The following GRXCR1 variants were observed in gnomAD, a reference collection of about 807,000 sequenced individuals.
GRXCR1 encodes the protein glutaredoxin and cysteine rich domain containing 1.
Under a neutral mutation model 27.3 loss-of-function variants are expected in GRXCR1, and 27 were observed. That is an observed-to-expected ratio of 0.99 (90% CI 0.73 to 1.37). The LOEUF is 1.37. Among genes scored for constraint, GRXCR1 ranks in the 40% most tolerant of loss-of-function variants. The pLI is 0.00. For synonymous variants in GRXCR1, 122 were observed against 131.1 expected (o/e 0.93, Z 0.47); for missense variants, 379 against 354.4 (o/e 1.07, Z -0.56).
At chr4:42,910,284 G>T (rs562931171) in intron 1 of GRXCR1, among the ~76,000 whole-genome samples, 2 of 152,198 alleles carry the variant, frequency 1.3e-5, no homozygotes, top group African/African-American at 4.8e-5. Flanking sequence ...GGGACACAAA[G>T]CCTAAACATA....
chr4:42,944,055 T>TGGCAATAGGAAGGC (rs1481994845), intron 1 of GRXCR1, among the ~76,000 whole-genome samples: 3 of 152,058 alleles, frequency 2.0e-5, no homozygotes, highest in Non-Finnish European at 4.4e-5. Context: ...GTAACACGTT[T>TGGCAATAGGAAGGC]GGCAATAGGA....
At chr4:42,924,996 C>T (rs1747122530) in intron 1 of GRXCR1, among the ~76,000 whole-genome samples, 1 of 150,916 alleles carries the variant, frequency 6.6e-6, no homozygotes, top group African/African-American at 2.4e-5. Context: ...TTGCTTTCTG[C>T]AATTTGTTTG....
chr4:43,022,544 A>G (rs1423007619), intron 3 of GRXCR1, among the ~76,000 whole-genome samples: 1 of 152,224 alleles, frequency 6.6e-6, no homozygotes, highest in Non-Finnish European at 1.5e-5. Context: ...ATGGTATGGC[A>G]TTGGCTTTCT....
chr4:42,894,894 G>C (rs1206747134), intron 1 of GRXCR1, among the ~76,000 whole-genome samples: 2 of 152,084 alleles, frequency 1.3e-5, no homozygotes, highest in Non-Finnish European at 2.9e-5. Flanking sequence ...TATTGCTAAG[G>C]AGTAGACCAA....
intron 2 of GRXCR1, among the ~76,000 whole-genome samples, chr4:43,000,328 T>C (rs1388205017): frequency 6.6e-6 from 1 of 151,966 alleles, no homozygotes; most frequent in Non-Finnish European, 1.5e-5. Context: ...ATACAAAAAT[T>C]AGCTGGGTGT....
chr4:42,971,357 C>T (rs1748383183), intron 2 of GRXCR1, among the ~76,000 whole-genome samples: 1 of 152,142 alleles, frequency 6.6e-6, no homozygotes, highest in Non-Finnish European at 1.5e-5. Context: ...ACTACCAGTA[C>T]CAATTTCCTG....
At chr4:43,016,495 C>A (rs1712934981) in intron 2 of GRXCR1, among the ~76,000 whole-genome samples, 1 of 152,112 alleles carries the variant, frequency 6.6e-6, no homozygotes, top group African/African-American at 2.4e-5. Context: ...TACTTGTGTT[C>A]TTAGCATCTT....
rs745784596 is a variant in GRXCR1 at position 42,990,173 on chromosome 4, C to CTTTTTTTTTT, written c.627+27066_627+27075dup. Among the ~76,000 whole-genome samples the CTTTTTTTTTT allele has an allele frequency of 7.4e-4, 34 of 46,230 alleles. 13 individuals are homozygous for CTTTTTTTTTT. The highest frequency in any genetic ancestry group is 1.6e-3 in the East Asian group (2 of 1,284). 30.3% of individuals were successfully genotyped at this position (46,230 alleles called of 152,430 possible). Reference sequence around the variant, plus strand: ...AACTTCTTGAATTGAATTATTAGTTCTTTTTTTTTTTTTTTTTTTTTTTTT... The same window carrying CTTTTTTTTTT: ...AACTTCTTGAATTGAATTATTAGTTCTTTTTTTTTTTTTTTTTTTTTTTTTTTTTTTTTTT... On this transcript the variant is annotated intron_variant, in intron 2 of 3. Transcript: ENST00000399770.
intron 2 of GRXCR1, among the ~76,000 whole-genome samples, chr4:42,986,699 A>G (rs187378315): frequency 6.6e-6 from 1 of 152,236 alleles, no homozygotes; most frequent in Non-Finnish European, 1.5e-5. Flanking sequence ...ACTTAGGGGA[A>G]CTCTGAAACA....
chr4:42,904,265 C>G (rs560823272), intron 1 of GRXCR1, among the ~76,000 whole-genome samples: 1 of 152,308 alleles, frequency 6.6e-6, no homozygotes, highest in Non-Finnish European at 1.5e-5. Context: ...GCCCAACTTT[C>G]GCTCCTTCCA....
At chr4:42,952,803 G>A (rs761212965) in intron 1 of GRXCR1, among the ~76,000 whole-genome samples, 1 of 152,018 alleles carries the variant, frequency 6.6e-6, no homozygotes, top group African/African-American at 2.4e-5. Flanking sequence ...GGGAAGCATC[G>A]AGAGAAACCC....
chr4:42,956,819 C>T (rs1179031061), intron 1 of GRXCR1, among the ~76,000 whole-genome samples: 1 of 152,058 alleles, frequency 6.6e-6, no homozygotes, highest in Non-Finnish European at 1.5e-5. Flanking sequence ...ACAACTACCC[C>T]CACTGGTCCT....
intron 1 of GRXCR1, among the ~76,000 whole-genome samples, chr4:42,943,118 TG>T (rs1747661782): frequency 6.6e-6 from 1 of 152,108 alleles, no homozygotes; most frequent in African/African-American, 2.4e-5. Flanking sequence ...CATAGCTATG[TG>T]AACTAGGACA....
intron 1 of GRXCR1, among the ~76,000 whole-genome samples, chr4:42,914,301 T>C (rs1040463556): frequency 6.6e-6 from 1 of 152,098 alleles, no homozygotes; most frequent in African/African-American, 2.4e-5. Context: ...GCCACAGGGG[T>C]GGAGCTGCCC....
chr4:42,913,917 C>T (rs1746826424), intron 1 of GRXCR1, among the ~76,000 whole-genome samples: 1 of 152,196 alleles, frequency 6.6e-6, no homozygotes, highest in African/African-American at 2.4e-5. Context: ...AGGATGAAAG[C>T]CCCAAGCCTT....
intron 2 of GRXCR1, among the ~76,000 whole-genome samples, chr4:43,016,607 C>T (rs1024491973): frequency 4.2e-4 from 63 of 149,708 alleles, no homozygotes; most frequent in African/African-American, 1.5e-3. Context: ...AGTACATTTC[C>T]TCAGTAACGG....
chr4:42,908,519 G>A (rs1577900955), intron 1 of GRXCR1, among the ~76,000 whole-genome samples: 1 of 152,172 alleles, frequency 6.6e-6, no homozygotes, highest in Admixed American at 6.6e-5. Context: ...GCAGAATTGT[G>A]TGCAGTAAGC....
intron 2 of GRXCR1, among the ~76,000 whole-genome samples, chr4:43,019,264 G>A (rs1330095171): frequency 6.6e-6 from 1 of 151,988 alleles, no homozygotes; most frequent in African/African-American, 2.4e-5. Flanking sequence ...TACCCTGTGG[G>A]TTAGTTTTTT....
intron 1 of GRXCR1, among the ~76,000 whole-genome samples, chr4:42,918,667 T>C (rs1436933385): frequency 6.6e-6 from 1 of 152,118 alleles, no homozygotes. Context: ...CCATCTCTCT[T>C]TTGACACATG....
Sources: allele counts gnomAD v4.1 joint callset (sites outside exome capture counted in the v4.1 genomes callset), GRCh38; gene constraint gnomAD v4.1.1; transcripts MANE v1.5; gene names NCBI Gene and HGNC (gene_info 2026-07-23, HGNC 2026-07-21).